SSBP3: variants seen among roughly 807,000 people sequenced by gnomAD.
SSBP3 encodes single stranded DNA binding protein 3.
In SSBP3, 5 loss-of-function variants were observed where a neutral mutation model predicts 69.6. The observed-to-expected ratio is 0.07, with a 90% CI of 0.04 to 0.15. The LOEUF (loss-of-function observed/expected upper bound fraction) is 0.15, where lower values mean the gene tolerates loss of function less well. Ranked by LOEUF, SSBP3 falls within the 10% of genes least tolerant of loss-of-function variation. The pLI, the probability that SSBP3 is intolerant of heterozygous loss-of-function variation, is 1.00. For synonymous variants in SSBP3, 196 were observed against 193.4 expected (o/e 1.01, Z -0.11); for missense variants, 312 against 534.0 (o/e 0.58, Z 4.10).
At chr1:54,299,316 C>T (rs2100990610) in intron 4 of SSBP3, among the ~76,000 whole-genome samples, 1 of 152,276 alleles carries the variant, frequency 6.6e-6, no homozygotes, top group South Asian at 2.1e-4. Flanking sequence ...CCTCAAACTC[C>T]TGGAAACAAA....
intron 4 of SSBP3, among the ~76,000 whole-genome samples, chr1:54,292,674 G>A (rs1248817429): frequency 6.6e-6 from 1 of 152,162 alleles, no homozygotes; most frequent in Non-Finnish European, 1.5e-5. Context: ...CAGCCCTCAG[G>A]GCTCTGAACA....
chr1:54,355,926 CGCA>C (rs1363841005), intron 4 of SSBP3, among the ~76,000 whole-genome samples: 2 of 152,204 alleles, frequency 1.3e-5, no homozygotes, highest in African/African-American at 4.8e-5. Flanking sequence ...ACCCCATTAA[CGCA>C]GTGCTCGTGC....
chr1:54,294,157 AAAAAAGAAAGAAAG>A (rs1159505618), intron 4 of SSBP3, among the ~76,000 whole-genome samples: 23 of 102,288 alleles, frequency 2.2e-4, no homozygotes, highest in Admixed American at 5.3e-4. Flanking sequence ...AAAAAAAAAA[AAAAAAGAAAGAAAG>A]AAAGAAAGAA....
At chr1:54,337,020 TG>T (rs1192769565) in intron 4 of SSBP3, among the ~76,000 whole-genome samples, 2 of 152,230 alleles carry the variant, frequency 1.3e-5, no homozygotes, top group Non-Finnish European at 2.9e-5. Flanking sequence ...ACTGGTATCT[TG>T]ACAGCTCTCA....
At chr1:54,319,770 G>A (rs1253047322) in intron 4 of SSBP3, among the ~76,000 whole-genome samples, 2 of 151,910 alleles carry the variant, frequency 1.3e-5, no homozygotes, top group Non-Finnish European at 2.9e-5. Context: ...AAAAAAAAAA[G>A]TCCTGAAGAA....
intron 4 of SSBP3, among the ~76,000 whole-genome samples, chr1:54,391,887 C>A (rs1378089620): frequency 2.0e-5 from 3 of 152,144 alleles, no homozygotes; most frequent in Non-Finnish European, 4.4e-5. Context: ...CTCCACCCAC[C>A]CACCTCAATC....
chr1:54,290,103 C>T (rs1009898587), intron 4 of SSBP3, among the ~76,000 whole-genome samples: 2 of 152,208 alleles, frequency 1.3e-5, no homozygotes, highest in African/African-American at 4.8e-5. Flanking sequence ...AACCACAGCC[C>T]CAGCTCTTGG....
intron 4 of SSBP3, among the ~76,000 whole-genome samples, chr1:54,297,920 T>C (rs1402330476): frequency 6.6e-6 from 1 of 152,114 alleles, no homozygotes; most frequent in African/African-American, 2.4e-5. Context: ...TGGGAGCTCC[T>C]GGACCAGATG....
At chr1:54,253,482 G>A (rs956891292) in intron 7 of SSBP3, among the ~76,000 whole-genome samples, 4 of 152,028 alleles carry the variant, frequency 2.6e-5, no homozygotes, top group South Asian at 2.1e-4. Context: ...GTGAGCCTCC[G>A]CACCTGGCCT....
chr1:54,310,674 G>C (rs1400388002), intron 4 of SSBP3, among the ~76,000 whole-genome samples: 1 of 141,578 alleles, frequency 7.1e-6, no homozygotes, highest in African/African-American at 2.5e-5. Context: ...ACCAGGGCAA[G>C]AGCAAGAGCT....
chr1:54,268,201 G>A (rs1433769625), intron 5 of SSBP3, among the ~76,000 whole-genome samples: 1 of 152,264 alleles, frequency 6.6e-6, no homozygotes, highest in East Asian at 1.9e-4. Context: ...GGAACATGGG[G>A]TGAACGTGGC....
chr1:54,378,329 T>C (rs1427538565), intron 4 of SSBP3, among the ~76,000 whole-genome samples: 1 of 152,240 alleles, frequency 6.6e-6, no homozygotes, highest in Non-Finnish European at 1.5e-5. Context: ...GTAACAAATA[T>C]GGGTGCTTCG....
chr1:54,297,864 A>G (rs2100983539), intron 4 of SSBP3, among the ~76,000 whole-genome samples: 1 of 152,288 alleles, frequency 6.6e-6, no homozygotes, highest in South Asian at 2.1e-4. Context: ...TGAGCTTTGC[A>G]ACAACTAAGC....
intron 4 of SSBP3, among the ~76,000 whole-genome samples, chr1:54,335,076 C>T (rs1646485716): frequency 6.6e-6 from 1 of 152,172 alleles, no homozygotes; most frequent in Admixed American, 6.6e-5. Flanking sequence ...GCTCTCAGAA[C>T]TAAGGTGACA....
At chr1:54,340,897 T>C (rs1034100631) in intron 4 of SSBP3, among the ~76,000 whole-genome samples, 2 of 152,216 alleles carry the variant, frequency 1.3e-5, no homozygotes, top group Non-Finnish European at 2.9e-5. Flanking sequence ...AAGGCTGTCA[T>C]TCCACTCCAC....
At chr1:54,380,670 CG>C (rs1344061811) in intron 4 of SSBP3, among the ~76,000 whole-genome samples, 3 of 152,262 alleles carry the variant, frequency 2.0e-5, no homozygotes, top group Middle Eastern at 3.4e-3. Flanking sequence ...GCTGACTCAC[CG>C]GAAAAGGTGG....
intron 4 of SSBP3, among the ~76,000 whole-genome samples, chr1:54,291,540 T>G (rs1363929361): frequency 6.6e-6 from 1 of 152,210 alleles, no homozygotes; most frequent in Non-Finnish European, 1.5e-5. Flanking sequence ...AAGCATGCAC[T>G]AATTGCGCTA....
At chr1:54,369,190 T>C (rs532568550) in intron 4 of SSBP3, among the ~76,000 whole-genome samples, 108 of 147,148 alleles carry the variant, frequency 7.3e-4, no homozygotes, top group Non-Finnish European at 1.3e-3. Context: ...TAAATCTGCA[T>C]TGCACATGGG....
intron 1 of SSBP3, among the ~76,000 whole-genome samples, chr1:54,411,760 C>T (rs973625912): frequency 5.3e-5 from 8 of 151,904 alleles, no homozygotes; most frequent in Non-Finnish European, 7.4e-5. Context: ...GGCATGGTGG[C>T]GGGCGCCTGC....
Sources: allele counts gnomAD v4.1 joint callset (sites outside exome capture counted in the v4.1 genomes callset), GRCh38; gene constraint gnomAD v4.1.1; transcripts MANE v1.5; gene names NCBI Gene and HGNC (gene_info 2026-07-23, HGNC 2026-07-21).